Variants in PRKD1 observed in about 807,000 individuals in gnomAD.
PRKD1 encodes protein kinase D1.
Under a neutral mutation model 95.9 loss-of-function variants are expected in PRKD1, and 63 were observed. The ratio of observed to expected loss-of-function variants is 0.66; its 90% CI spans 0.54 to 0.81. PRKD1 has a LOEUF of 0.81. Ranked by LOEUF, PRKD1 falls within the 30% of genes least tolerant of loss-of-function variation. The pLI, the probability that PRKD1 is intolerant of heterozygous loss-of-function variation, is 0.00. For synonymous variants in PRKD1, 425 were observed against 423.1 expected, an observed-to-expected ratio of 1.00 and a Z score of -0.05; for missense variants, 1,048 against 1,165.3, an observed-to-expected ratio of 0.90 and a Z score of 1.47.
At chr14:29,831,868 A>G (rs1192847673) in intron 1 of PRKD1, among the ~76,000 whole-genome samples, 1 of 152,142 alleles carries the variant, frequency 6.6e-6, no homozygotes, top group Admixed American at 6.6e-5. Flanking sequence ...TACATGTTAG[A>G]TATCATAAGT....
chr14:29,763,589 A>C (rs901935975), intron 1 of PRKD1, among the ~76,000 whole-genome samples: 3 of 152,110 alleles, frequency 2.0e-5, no homozygotes, highest in Admixed American at 6.5e-5. Flanking sequence ...TAGGTGAAGG[A>C]CAGAGAAAGA....
chr14:29,689,435 A>T (rs1394958298), intron 2 of PRKD1, among the ~76,000 whole-genome samples: 1 of 152,152 alleles, frequency 6.6e-6, no homozygotes, highest in Non-Finnish European at 1.5e-5. Flanking sequence ...TCAGAATGGC[A>T]ATTATTAAAA....
rs1367645647 is a variant in PRKD1 at position 29,578,265 on chromosome 14, T to A, written c.2520+10A>T. The A allele has an allele frequency of 6.3e-7, 1 of 1,579,430 alleles. No homozygotes were observed. The highest frequency in any genetic ancestry group is 1.4e-5 in the African/African-American group (1 of 73,540). ...CATTCAACTAAGAAAACTCAGTGAT[T>A]ATTGTTTACCTGTAGCCAAGGGTGG... On this transcript the variant is annotated intron_variant, in intron 17 of 17. Transcript: ENST00000331968.
At chr14:29,787,435 A>G (rs1889326887) in intron 1 of PRKD1, among the ~76,000 whole-genome samples, 1 of 151,976 alleles carries the variant, frequency 6.6e-6, no homozygotes, top group Non-Finnish European at 1.5e-5. Flanking sequence ...GAGATGCTGA[A>G]GTCCCTAGCT....
chr14:29,661,398 C>A (rs766660938), intron 4 of PRKD1, among the ~76,000 whole-genome samples: 2 of 152,106 alleles, frequency 1.3e-5, no homozygotes, highest in Non-Finnish European at 2.9e-5. Context: ...AATATCACCT[C>A]TTATTAGGCA....
At chr14:29,840,508 T>C (rs1214674468) in intron 1 of PRKD1, among the ~76,000 whole-genome samples, 1 of 152,226 alleles carries the variant, frequency 6.6e-6, no homozygotes, top group African/African-American at 2.4e-5. Flanking sequence ...GTTCCAAAGT[T>C]GCTTCCACAT....
At chr14:29,641,898 C>CTTTT (rs751584936) in intron 4 of PRKD1, among the ~76,000 whole-genome samples, 41 of 116,670 alleles carry the variant, frequency 3.5e-4, no homozygotes, top group Non-Finnish European at 5.0e-4. Flanking sequence ...AAAAATATTT[C>CTTTT]TTTTTTTTTT....
chr14:29,777,627 C>T (rs1566595212), intron 1 of PRKD1, among the ~76,000 whole-genome samples: 1 of 152,248 alleles, frequency 6.6e-6, no homozygotes, highest in Admixed American at 6.5e-5. Flanking sequence ...AATACGGGAG[C>T]ACCCAGATTC....
intron 1 of PRKD1, among the ~76,000 whole-genome samples, chr14:29,897,369 T>C (rs923159590): frequency 1.3e-5 from 2 of 152,172 alleles, no homozygotes; most frequent in East Asian, 1.9e-4. Context: ...ATACAATGGG[T>C]ATTACCGCAC....
rs565705858 is a variant in PRKD1 at position 29,898,895 on chromosome 14, T to C, written c.264+28354A>G. Among the ~76,000 whole-genome samples, 23 of 152,336 alleles carry C rather than the reference T, an allele frequency of 1.5e-4. No homozygotes were observed. In the South Asian group the frequency reaches 4.8e-3, roughly 32 times the overall value. ...TTAATATTAAAGACTCCTATCTGGA[T>C]GCTATTTTAGAATACAGAAGGCAGA... On this transcript the variant is annotated intron_variant, in intron 1 of 17. Transcript: ENST00000331968.
chr14:29,808,544 C>A (rs1358618898), intron 1 of PRKD1, among the ~76,000 whole-genome samples: 3 of 151,310 alleles, frequency 2.0e-5, no homozygotes, highest in Admixed American at 2.0e-4. Context: ...GGATTACAGG[C>A]ACCTGCCACC....
Position 29,885,804 on chromosome 14 carries a change from T to TAAAAAAA in PRKD1, c.264+41438_264+41444dup, listed in dbSNP as rs759317394. On this transcript the variant is annotated intron_variant, in intron 1 of 17. Transcript: ENST00000331968. ...CAACATGGTGAAACCCCATCTTTAC[T>TAAAAAAA]AAAAAAAAAAAAAAAAAAAAAAAAA... is the stretch of plus-strand genomic sequence containing the variant. 1.0e-3 allele frequency among the ~76,000 whole-genome samples: 56 copies of TAAAAAAA among 53,480 alleles called. 4 individuals are homozygous for TAAAAAAA. Among genetic ancestry groups the TAAAAAAA allele is most frequent in the African/African-American group, 1.9e-3 (30 of 16,104 alleles). The allele number at this position is 53,480 out of a possible 152,430, so 35.1% of individuals were successfully genotyped here. A position where few individuals can be genotyped will look rare whatever the true frequency, so the allele number is the denominator to read the frequency against.
At chr14:29,610,970 G>A (rs1878419123) in intron 13 of PRKD1, among the ~76,000 whole-genome samples, 1 of 152,170 alleles carries the variant, frequency 6.6e-6, no homozygotes, top group African/African-American at 2.4e-5. Context: ...AAACTATGCT[G>A]ACAACAGAAA....
chr14:29,689,272 A>T (rs543352356), intron 2 of PRKD1, among the ~76,000 whole-genome samples: 2 of 152,158 alleles, frequency 1.3e-5, no homozygotes, highest in African/African-American at 4.8e-5. Context: ...TTACAAGAAA[A>T]AAAAAACATT....
rs188143694 is a variant in PRKD1 at position 29,914,680 on chromosome 14, C to G, written c.264+12569G>C. 3.9e-5 allele frequency among the ~76,000 whole-genome samples: 6 copies of G among 152,228 alleles called. No homozygotes were observed. The East Asian group carries it at 1.2e-3, about 30-fold the overall frequency. On this transcript the variant is annotated intron_variant, in intron 1 of 17. Coordinates refer to ENST00000331968, the MANE Select transcript of PRKD1 (RefSeq NM_002742.3). ...ACCGGCAGGTGGAGGTTACAGTGAGCTGAGATCACACTGCACTCCAGTCTG... is the reference window on the plus strand; with the variant it reads ...ACCGGCAGGTGGAGGTTACAGTGAGGTGAGATCACACTGCACTCCAGTCTG...
chr14:29,914,941 G>T (rs1249980605), intron 1 of PRKD1, among the ~76,000 whole-genome samples: 2 of 151,844 alleles, frequency 1.3e-5, no homozygotes, highest in African/African-American at 4.8e-5. Context: ...AGCCAGGATG[G>T]TCTTGATCTC....
At chr14:29,905,142 A>G (rs1181680848) in intron 1 of PRKD1, among the ~76,000 whole-genome samples, 3 of 152,116 alleles carry the variant, frequency 2.0e-5, no homozygotes, top group Non-Finnish European at 4.4e-5. Context: ...TTCTACAGTC[A>G]CCCCTGAGAA....
At chr14:29,584,757 T>C (rs1392809929) in intron 16 of PRKD1, among the ~76,000 whole-genome samples, 2 of 152,144 alleles carry the variant, frequency 1.3e-5, no homozygotes, top group Non-Finnish European at 2.9e-5. Context: ...GCATCACAAC[T>C]CTACAAAATA....
chr14:29,817,390 T>C (rs1890734152), intron 1 of PRKD1, among the ~76,000 whole-genome samples: 2 of 152,204 alleles, frequency 1.3e-5, no homozygotes, highest in Non-Finnish European at 1.5e-5. Context: ...CCCCTATCTC[T>C]CTGAAGACGA....
Sources: allele counts gnomAD v4.1 joint callset (sites outside exome capture counted in the v4.1 genomes callset), GRCh38; gene constraint gnomAD v4.1.1; transcripts MANE v1.5; gene names NCBI Gene and HGNC (gene_info 2026-07-23, HGNC 2026-07-21).